ADGB: variants seen among roughly 807,000 people sequenced by gnomAD.
ADGB encodes calpain-7-like protein.
Under a neutral mutation model 210.5 loss-of-function variants are expected in ADGB, and 172 were observed. The observed-to-expected ratio is 0.82, with a 90% CI of 0.72 to 0.93. ADGB has a LOEUF of 0.93. Among genes scored for constraint, ADGB ranks in the 40% least tolerant of loss-of-function variants. The pLI is 0.00. For missense variants in ADGB, 2,025 were observed against 1,964.8 expected, an observed-to-expected ratio of 1.03 and a Z score of -0.58; for synonymous variants, 658 against 662.7, an observed-to-expected ratio of 0.99 and a Z score of 0.11.
intron 35 of ADGB, among the ~76,000 whole-genome samples, chr6:146,804,230 G>A (rs140188009): frequency 6.6e-6 from 1 of 151,600 alleles, no homozygotes; most frequent in African/African-American, 2.4e-5. Flanking sequence ...TCCCACTACG[G>A]ATAATGAGAA....
In ADGB at chr6:146,701,083, C is replaced by G; in HGVS notation, c.1707+13C>G. 1 of 1,549,250 alleles carries G rather than the reference C, an allele frequency of 6.5e-7. No homozygotes were observed. Among genetic ancestry groups the G allele is most frequent in the Non-Finnish European group, 8.7e-7 (1 of 1,145,954 alleles). The stretch of plus-strand genomic sequence containing the variant: ...AGCTACATCTCAGGTGACTATGTTA[C>G]TCTTACTGTTGGCCCAACTCTTAAT... On this transcript the variant is annotated intron_variant, in intron 13 of 35. Transcript: ENST00000397944.
At chr6:146,705,813 CTCTT>C (rs1234937783) in intron 13 of ADGB, among the ~76,000 whole-genome samples, 2 of 152,072 alleles carry the variant, frequency 1.3e-5, no homozygotes, top group Admixed American at 6.6e-5. Flanking sequence ...AAATTATTCT[CTCTT>C]TGTCAGATTT....
intron 9 of ADGB, among the ~76,000 whole-genome samples, chr6:146,679,716 T>C (rs1020287220): frequency 2.0e-5 from 3 of 152,214 alleles, no homozygotes; most frequent in Admixed American, 2.0e-4. Context: ...TGAATACTAA[T>C]ATTTTAAACT....
chr6:146,632,676 A>G (rs1208330864), intron 1 of ADGB, among the ~76,000 whole-genome samples: 2 of 152,148 alleles, frequency 1.3e-5, no homozygotes, highest in African/African-American at 2.4e-5. Context: ...AAATATTTTT[A>G]TATTTCTCAG....
intron 1 of ADGB, among the ~76,000 whole-genome samples, chr6:146,599,715 G>A (rs1159016669): frequency 1.3e-5 from 2 of 152,104 alleles, no homozygotes; most frequent in African/African-American, 4.8e-5. Context: ...CTTTGTCCTG[G>A]GCTGGTGTTA....
chr6:146,763,022 C>T (rs1038930190), intron 27 of ADGB, among the ~76,000 whole-genome samples: 10 of 152,156 alleles, frequency 6.6e-5, no homozygotes, highest in African/African-American at 2.4e-4. Context: ...TTCTGGTATC[C>T]TACCTCAAAT....
chr6:146,713,853 T>C (rs1358507276), intron 13 of ADGB, among the ~76,000 whole-genome samples: 1 of 152,160 alleles, frequency 6.6e-6, no homozygotes, highest in African/African-American at 2.4e-5. Context: ...CTTCTCTCTA[T>C]GTTTTCTTCT....
intron 13 of ADGB, among the ~76,000 whole-genome samples, chr6:146,705,913 T>C (rs1029995594): frequency 1.3e-5 from 2 of 152,226 alleles, no homozygotes. Flanking sequence ...GTCCTGGACT[T>C]TTCTTTGATA....
At chr6:146,749,345 G>A (rs879544084) in intron 26 of ADGB, among the ~76,000 whole-genome samples, 16 of 152,132 alleles carry the variant, frequency 1.1e-4, no homozygotes, top group Non-Finnish European at 1.9e-4. Context: ...ACTGCTCATG[G>A]AAGTGCCCAG....
chr6:146,652,049 C>A (rs1313501744), intron 3 of ADGB, among the ~76,000 whole-genome samples: 2 of 152,148 alleles, frequency 1.3e-5, no homozygotes, highest in South Asian at 4.1e-4. Flanking sequence ...TGGCCCAGAC[C>A]CTTGAGCATT....
At chr6:146,806,527 C>A (rs188670922) in intron 35 of ADGB, among the ~76,000 whole-genome samples, 1 of 152,100 alleles carries the variant, frequency 6.6e-6, no homozygotes, top group African/African-American at 2.4e-5. Context: ...GTAAAAACTT[C>A]GGGAATTCTG....
At chr6:146,700,381 T>C (rs1322904001) in intron 12 of ADGB, among the ~76,000 whole-genome samples, 1 of 152,204 alleles carries the variant, frequency 6.6e-6, no homozygotes, top group African/African-American at 2.4e-5. Flanking sequence ...ATGAAGTCTA[T>C]GTACATGGAA....
At chr6:146,655,294 ATGT>A (rs1372073907) in intron 4 of ADGB, among the ~76,000 whole-genome samples, 4 of 152,138 alleles carry the variant, frequency 2.6e-5, no homozygotes, top group Non-Finnish European at 5.9e-5. Context: ...GGGTACAGTG[ATGT>A]TGTATGATGT....
At position 146,746,047 on chromosome 6, in the gene ADGB, T is replaced by C; in HGVS notation, c.3303T>C (p.Asn1101=). The change falls in exon 26 of 36, where the codon AAT becomes AAC. Residue 1101 remains asparagine, a synonymous_variant. Transcript: ENST00000397944. ...GCCTCTCTCGAGACTCTCCATGCAATTCCTTTGCCATAAAGGAAATCCGAG... is the reference window on the plus strand; with the variant it reads ...GCCTCTCTCGAGACTCTCCATGCAACTCCTTTGCCATAAAGGAAATCCGAG... ...LPCLSRDSPC[N]SFAIKEIRDY... is the part of the protein sequence containing the mutation. 1 of 1,551,122 alleles carries C rather than the reference T, an allele frequency of 6.4e-7. No homozygotes were observed. Among genetic ancestry groups the C allele is most frequent in the Non-Finnish European group, 8.7e-7 (1 of 1,146,598 alleles).
At chr6:146,654,509 C>G (rs916535860) in intron 4 of ADGB, among the ~76,000 whole-genome samples, 1 of 151,922 alleles carries the variant, frequency 6.6e-6, no homozygotes, top group Non-Finnish European at 1.5e-5. Context: ...TGTGCCATCT[C>G]CCCCAGCTAA....
chr6:146,725,370 G>C (rs959258774), intron 18 of ADGB: 10 of 152,346 alleles, frequency 6.6e-5, no homozygotes, highest in African/African-American at 2.4e-4. Flanking sequence ...CAGGAGGTTA[G>C]CGGTGCCTGA....
At chr6:146,661,220 CTTTT>C (rs5880682) in intron 5 of ADGB, among the ~76,000 whole-genome samples, 6 of 116,066 alleles carry the variant, frequency 5.2e-5, no homozygotes, top group Non-Finnish European at 5.1e-5. Flanking sequence ...TTCTTTTTTT[CTTTT>C]TTTTTTTTTT....
chr6:146,677,369 C>T (rs781603931), intron 9 of ADGB, among the ~76,000 whole-genome samples: 1 of 151,920 alleles, frequency 6.6e-6, no homozygotes, highest in African/African-American at 2.4e-5. Flanking sequence ...GTTTTTACAT[C>T]TAGTAGTGTG....
At chr6:146,687,861 C>A (rs1287806519) in intron 10 of ADGB, among the ~76,000 whole-genome samples, 9 of 151,994 alleles carry the variant, frequency 5.9e-5, no homozygotes, top group Admixed American at 5.9e-4. Flanking sequence ...CCCTTTAAAA[C>A]CACAAAGTGT....
Sources: allele counts gnomAD v4.1 joint callset (sites outside exome capture counted in the v4.1 genomes callset), GRCh38; gene constraint gnomAD v4.1.1; transcripts MANE v1.5; gene names NCBI Gene and HGNC (gene_info 2026-07-23, HGNC 2026-07-21).